SUGP1: variants seen among roughly 807,000 people sequenced by gnomAD.
The protein encoded by SUGP1 is SURP and G-patch domain containing 1.
SUGP1 carries 34 observed loss-of-function variants against 76.5 expected under a neutral mutation model. The ratio of observed to expected loss-of-function variants is 0.44; its 90% CI spans 0.34 to 0.59. The LOEUF (loss-of-function observed/expected upper bound fraction) is 0.59, where lower values mean the gene tolerates loss of function less well. SUGP1 is among the 20% of genes least tolerant of loss of function. The pLI is 0.01. For missense variants in SUGP1, 752 were observed against 851.7 expected (o/e 0.88, Z 1.46); for synonymous variants, 326 against 326.2 (o/e 1.00, Z 0.01).
chr19:19,316,500 T>G lies in SUGP1; in HGVS notation c.128A>C (p.Lys43Thr), dbSNP rs1185862083. ...TTCCATTTTGGCTTCAATTTCCCGT[T>G]TCTTCTGAGCGATGAGCTCTTCCTG... ...LHQEELIAQK[K>T]REIEAKMEQK... Residue 43 changes from lysine (K) to threonine (T), a missense_variant, in exon 2 of 14, where the codon AAA becomes ACA. Physicochemically the swap from Lys to Thr is moderately conservative, Grantham distance 78 (BLOSUM62 -1). This residue lies in a region of SUGP1 where 620 missense variants were observed against 617.3 expected (regional missense o/e 1.00). Transcript: ENST00000247001. 6.2e-7 allele frequency: 1 copy of G among 1,613,840 alleles called. No individual in the cohort carries two copies. The highest frequency in any genetic ancestry group is 8.5e-7 in the Non-Finnish European group (1 of 1,180,014).
At position 19,276,383 on chromosome 19, in the gene SUGP1, T is replaced by G; in HGVS notation, c.*265A>C. ...TTTACTATGCTGAAAACAACTTTCTTCCTCCCCTCCAGTGCAACCCAGGCT... is the reference window on the plus strand; with the variant it reads ...TTTACTATGCTGAAAACAACTTTCTGCCTCCCCTCCAGTGCAACCCAGGCT... On this transcript the variant is annotated 3_prime_UTR_variant, in exon 14 of 14. Coordinates refer to ENST00000247001, the MANE Select transcript of SUGP1 (RefSeq NM_172231.4). The G allele has an allele frequency of 2.2e-6, 1 of 451,096 alleles. No homozygotes were observed. The highest frequency in any genetic ancestry group is 3.7e-5 in the Admixed American group (1 of 26,832). The allele number at this position is 451,096 out of a possible 1,614,324, so 27.9% of individuals were successfully genotyped here.
Position 19,310,151 on chromosome 19 carries a change from C to T in SUGP1, c.256G>A (p.Asp86Asn), listed in dbSNP as rs2061343589. The change falls in exon 3 of 14, where the codon GAT (aspartate) becomes AAT (asparagine). Residue 86 changes from aspartate to asparagine, a missense_variant. Physicochemically the swap from Asp to Asn is conservative, Grantham distance 23. Around this residue, in one of 2 missense-constraint regions of SUGP1, gnomAD observed 620 missense variants for 617.3 expected, o/e 1.00. Transcript: ENST00000247001. ...SSCISNKFANDGSFLQQFLKL... is the reference protein window; with the variant it reads ...SSCISNKFANNGSFLQQFLKL... ...AGAAACTGCTGCAAGAAGCTACCAT[C>T]GTTGGCAAACTTGTTGGAAATGCAG... The T allele has an allele frequency of 6.2e-7, 1 of 1,613,718 alleles. No individual in the cohort carries two copies. Among genetic ancestry groups the T allele is most frequent in the Non-Finnish European group, 8.5e-7 (1 of 1,179,734 alleles).
chr19:19,306,900 A>G (rs1016499901), intron 3 of SUGP1, among the ~76,000 whole-genome samples: 1 of 152,108 alleles, frequency 6.6e-6, no homozygotes, highest in African/African-American at 2.4e-5. Context: ...AAGGCAGGGG[A>G]TGGGGCAAGG....
chr19:19,278,738 C>T lies in SUGP1; in HGVS notation c.1587G>A (p.Leu529=). 1 of 1,614,052 alleles carries T rather than the reference C, an allele frequency of 6.2e-7. No homozygotes were observed. Among genetic ancestry groups the T allele is most frequent in the South Asian group, 1.1e-5 (1 of 91,054 alleles). ...TAAACTTTTCCAGCTCGTCTGGAGG[C>T]AGGAAGTCTCCGATGAAGTGCTTGC... is the stretch of plus-strand genomic sequence containing the variant. The part of the protein sequence containing the change: ...GRGKHFIGDF[L]PPDELEKFME... Residue 529 remains leucine (L), a synonymous_variant, in exon 11 of 14, where the codon CTG becomes CTA. Coordinates refer to ENST00000247001, the MANE Select transcript of SUGP1 (RefSeq NM_172231.4).
At chr19:19,290,442 G>A (rs887199545) in intron 8 of SUGP1, among the ~76,000 whole-genome samples, 1 of 152,124 alleles carries the variant, frequency 6.6e-6, no homozygotes, top group Admixed American at 6.6e-5. Context: ...CCAGGAGTGC[G>A]AGACCAGCCT....
intron 2 of SUGP1, 142 bp downstream of exon 2, chr19:19,316,280 A>G (rs1199676097): frequency 2.8e-6 from 3 of 1,088,134 alleles, no homozygotes; most frequent in Non-Finnish European, 3.9e-6. Context: ...TGAGCCTCCC[A>G]AGGGCATCTG....
intron 8 of SUGP1, among the ~76,000 whole-genome samples, chr19:19,295,096 G>A (rs867176048): frequency 2.6e-5 from 4 of 152,020 alleles, no homozygotes; most frequent in African/African-American, 7.2e-5. Flanking sequence ...CCAGGAGTTC[G>A]AGATCAGCCT....
At chr19:19,298,310 C>T (rs1053476804) in intron 7 of SUGP1, among the ~76,000 whole-genome samples, 4 of 152,160 alleles carry the variant, frequency 2.6e-5, no homozygotes, top group Non-Finnish European at 5.9e-5. Flanking sequence ...CCAGCCTGGC[C>T]GACATGGTGA....
At chr19:19,311,756 T>A (rs935100839) in intron 2 of SUGP1, among the ~76,000 whole-genome samples, 18 of 144,492 alleles carry the variant, frequency 1.2e-4, no homozygotes, top group South Asian at 4.3e-4. Flanking sequence ...AAAAGAAATG[T>A]ATGATGCCCA....
chr19:19,319,053 A>C (rs1368848945), intron 1 of SUGP1, among the ~76,000 whole-genome samples: 1 of 152,010 alleles, frequency 6.6e-6, no homozygotes, highest in Non-Finnish European at 1.5e-5. Context: ...CCCCGTCTCT[A>C]CTAAAAATAC....
intron 1 of SUGP1, among the ~76,000 whole-genome samples, chr19:19,318,404 G>A (rs2061411049): frequency 6.6e-6 from 1 of 151,974 alleles, no homozygotes; most frequent in Non-Finnish European, 1.5e-5. Flanking sequence ...ACAGGCGTGA[G>A]CCACCACACC....
chr19:19,278,627 G>A (rs903041837), intron 11 of SUGP1, 63 bp downstream of exon 11: 2 of 1,452,298 alleles, frequency 1.4e-6, no homozygotes, highest in Non-Finnish European at 1.9e-6. Flanking sequence ...CCTGCAGGGT[G>A]AGGCAGCTAC....
At chr19:19,296,314 G>A (rs1302057810) in intron 8 of SUGP1, among the ~76,000 whole-genome samples, 1 of 152,152 alleles carries the variant, frequency 6.6e-6, no homozygotes, top group East Asian at 1.9e-4. Flanking sequence ...ACAGCACTTT[G>A]GGAGGCTGAG....
Position 19,303,762 on chromosome 19 carries a change from T to G in SUGP1, c.624A>C (p.Lys208Asn), listed in dbSNP as rs1040063846. The G allele has an allele frequency of 1.2e-6, 2 of 1,614,228 alleles. No individual in the cohort carries two copies. The highest frequency in any genetic ancestry group is 4.5e-5 in the East Asian group (2 of 44,884). ...TATCCTTGTAGTCCTCCATAGCTAC[T>G]TTTTCTAACTCGGGGCCTCCTTCTG... ...FVAEGGPELE[K>N]VAMEDYKDNP... The change falls in exon 5 of 14, where the codon AAA (lysine) becomes AAC (asparagine). Residue 208 changes from lysine (K) to asparagine (N), a missense_variant. This residue lies in a region of SUGP1 where 620 missense variants were observed against 617.3 expected (regional missense o/e 1.00). Transcript: ENST00000247001.
chr19:19,285,530 T>C (rs1349815927), intron 8 of SUGP1, among the ~76,000 whole-genome samples: 2 of 151,784 alleles, frequency 1.3e-5, no homozygotes, highest in Non-Finnish European at 1.5e-5. Flanking sequence ...AAAAAGACAT[T>C]AGTAAGGAAG....
At chr19:19,303,895 T>A in intron 4 of SUGP1, 48 bp from the exon 5 acceptor site, 1 of 1,611,454 alleles carries the variant, frequency 6.2e-7, no homozygotes, top group Non-Finnish European at 8.5e-7. Flanking sequence ...CACCCCACAG[T>A]CAATAGGCAC....
Position 19,310,117 on chromosome 19 carries a change from T to C in SUGP1, c.290A>G (p.Gln97Arg). Residue 97 changes from glutamine to arginine, a missense_variant, in exon 3 of 14, where the codon CAG (glutamine) becomes CGG (arginine). By Grantham distance (43) the Gln-to-Arg change is conservative (BLOSUM62 1). Transcript: ENST00000247001. Reference protein sequence around the residue: ...GSFLQQFLKLQKAQTSTDAPT... With the variant: ...GSFLQQFLKLRKAQTSTDAPT... ...CTCACCTGTGCTGGTCTGTGCCTTC[T>C]GCAACTTCAGAAACTGCTGCAAGAA... 1 of 1,613,588 alleles carries C rather than the reference T, an allele frequency of 6.2e-7. No individual in the cohort carries two copies. The highest frequency in any genetic ancestry group is 1.1e-5 in the South Asian group (1 of 91,078).
intron 4 of SUGP1, 78 bp downstream of exon 4, chr19:19,305,771 C>A: frequency 3.4e-6 from 5 of 1,450,108 alleles, no homozygotes; most frequent in Non-Finnish European, 4.7e-6. Context: ...CCTGGCAGCA[C>A]TTGCCCTGCC....
At chr19:19,305,678 C>A in intron 4 of SUGP1, 171 bp downstream of exon 4, 1 of 601,448 alleles carries the variant, frequency 1.7e-6, no homozygotes, top group Non-Finnish European at 2.8e-6. Flanking sequence ...GCCCCTCACC[C>A]TCCTTTGCTC....
Sources: gnomAD v4.1 joint callset for allele counts (sites outside exome capture counted in the v4.1 genomes callset) on GRCh38, gnomAD v4.1.1 for gene constraint, gnomAD v4.1.1 regional missense constraint, MANE v1.5 for transcripts, NCBI Gene and HGNC (gene_info 2026-07-23, HGNC 2026-07-21) for gene names.